Variants in MYO19 observed in about 807,000 individuals in gnomAD.
MYO19 encodes the protein myosin XIX, also known as unconventional myosin-XIX.
MYO19 carries 132 observed loss-of-function variants against 129.2 expected under a neutral mutation model. The ratio of observed to expected loss-of-function variants is 1.02; its 90% CI spans 0.89 to 1.18. The LOEUF (loss-of-function observed/expected upper bound fraction) is 1.18, where lower values mean the gene tolerates loss of function less well. MYO19 is among the 50% of genes most tolerant of loss of function. The pLI is 0.00. For missense variants in MYO19, 1,210 were observed against 1,216.7 expected, an observed-to-expected ratio of 0.99 and a Z score of 0.08; for synonymous variants, 531 against 477.2, an observed-to-expected ratio of 1.11 and a Z score of -1.47.
At chr17:36,538,617 TCAG>T (rs761430333), upstream of MYO19, 9 of 1,576,318 alleles carry the variant, frequency 5.7e-6, no homozygotes, top group East Asian at 4.5e-5. Flanking sequence ...ATTTTGGTGA[TCAG>T]CAGGAGTAGG....
chr17:36,514,947 T>C (rs988339923), intron 8 of MYO19, among the ~76,000 whole-genome samples, 166 bp downstream of exon 8: 27 of 152,152 alleles, frequency 1.8e-4, no homozygotes, highest in African/African-American at 6.5e-4. Flanking sequence ...GCTATAGTTC[T>C]CCAGGTGCAA....
chr17:36,501,036 C>T (rs756764357), intron 22 of MYO19, 33 bp downstream of exon 22: 6 of 1,602,842 alleles, frequency 3.7e-6, no homozygotes, highest in Non-Finnish European at 5.1e-6. Context: ...CACAGCTTGC[C>T]TCTGTAACCT....
At chr17:36,515,546 G>T (rs1037250841) in intron 7 of MYO19, among the ~76,000 whole-genome samples, 1 of 152,204 alleles carries the variant, frequency 6.6e-6, no homozygotes, top group Non-Finnish European at 1.5e-5. Flanking sequence ...CCCTTAACAA[G>T]TACCCTTCAT....
Position 36,506,558 on chromosome 17 carries a change from G to A in MYO19, c.1695C>T (p.Pro565=). ...TAGTAGGAAACAGCCCCATGAGCAG[G>A]GGGTCCTGGGATTGCTGCAGGAGCC... ...LTRLLQQSQD[P]LLMGLFPTNP... The change falls in exon 18 of 26, where the codon CCC becomes CCT. Residue 565 remains proline (P), a synonymous_variant. Transcript: ENST00000614623. 1 of 1,578,362 alleles carries A rather than the reference G, an allele frequency of 6.3e-7. No individual in the cohort carries two copies. Among genetic ancestry groups the A allele is most frequent in the Non-Finnish European group, 8.6e-7 (1 of 1,166,420 alleles).
Position 36,513,437 on chromosome 17 carries a change from T to C in MYO19, c.886A>G (p.Ile296Val). The change falls in exon 11 of 26, where the codon ATC (isoleucine) becomes GTC (valine). Residue 296 changes from isoleucine (I) to valine (V), a missense_variant. Transcript: ENST00000614623. ...GTGGCTTTTCTTCTGACCTTAAAGA[T>C]GTTGTTCTGGGTAGGGGTGTCAATG... ...LGIDTPTQNN[I>V]FKVLAGLLHL... The C allele has an allele frequency of 3.1e-6, 5 of 1,614,070 alleles. No homozygotes were observed. Among genetic ancestry groups the C allele is most frequent in the Non-Finnish European group, 3.4e-6 (4 of 1,179,896 alleles).
rs370042266 is a variant in MYO19 at position 36,509,083 on chromosome 17, C to T, written c.1210G>A (p.Asp404Asn). ...VINSSICADT[D>N]SWTTFIGLLD... is the part of the protein sequence containing the mutation. The stretch of plus-strand genomic sequence containing the variant: ...CTACCTATGAAAGTGGTCCACGAGT[C>T]GGTGTCTGCACAGATGCTGCTGTTG... The change falls in exon 14 of 26, where the codon GAC (aspartate) becomes AAC (asparagine). Residue 404 changes from aspartate (D) to asparagine (N), a missense_variant. Physicochemically the swap from Asp to Asn is conservative, Grantham distance 23. Coordinates refer to ENST00000614623, the MANE Select transcript of MYO19 (RefSeq NM_001163735.2). The T allele has an allele frequency of 1.6e-4, 258 of 1,613,778 alleles. No homozygotes were observed. The highest frequency in any genetic ancestry group is 2.0e-4 in the Non-Finnish European group (237 of 1,179,814).
chr17:36,532,953 G>C (rs1793559413), intron 2 of MYO19, among the ~76,000 whole-genome samples: 1 of 152,158 alleles, frequency 6.6e-6, no homozygotes, highest in Non-Finnish European at 1.5e-5. Context: ...TGGAGGAGGA[G>C]TAAGACACTG....
chr17:36,538,725 A>AT, upstream of MYO19: 5 of 952,204 alleles, frequency 5.3e-6, no homozygotes, highest in Non-Finnish European at 7.7e-6. Flanking sequence ...ATTATAAAAT[A>AT]GTTTCAGTCA....
At chr17:36,520,517 C>T (rs1015626624) in intron 6 of MYO19, among the ~76,000 whole-genome samples, 6 of 152,042 alleles carry the variant, frequency 3.9e-5, no homozygotes, top group Admixed American at 2.0e-4. Context: ...TCCACTTATA[C>T]GTGGGTTTTT....
At chr17:36,499,370 AC>A in intron 23 of MYO19, 1 of 404,704 alleles carries the variant, frequency 2.5e-6, no homozygotes, top group East Asian at 5.0e-5. Context: ...ACTTGAATAC[AC>A]CTACACAACA....
intron 6 of MYO19, among the ~76,000 whole-genome samples, chr17:36,519,803 G>A (rs1475737007): frequency 6.6e-6 from 1 of 152,048 alleles, no homozygotes; most frequent in Non-Finnish European, 1.5e-5. Context: ...TTGTCTTAAA[G>A]TCTTTATTTC....
In MYO19 at chr17:36,525,309, T is replaced by C. The variant is rs1163624018; in HGVS notation, c.333A>G (p.Glu111=). 7.4e-6 allele frequency: 12 copies of C among 1,613,842 alleles called. No homozygotes were observed. The South Asian group carries it at 8.8e-5, about 12-fold the overall frequency. ...GGCTCTTGACATTCCTGTAGGTCTG[T>C]TCACCCACAGTGAACACATGGGGCT... ...KLKPHVFTVG[E]QTYRNVKSLI... is the part of the protein sequence containing the mutation. Residue 111 remains glutamate, a synonymous_variant, in exon 6 of 26, where the codon GAA becomes GAG. Transcript: ENST00000614623.
upstream of MYO19, chr17:36,537,495 T>G (rs987868036): frequency 6.2e-7 from 1 of 1,614,200 alleles, no homozygotes; most frequent in Admixed American, 1.7e-5. Context: ...CATCTCCTGT[T>G]TCCGTGTAAT....
chr17:36,516,473 C>T (rs971293803), intron 6 of MYO19, among the ~76,000 whole-genome samples: 3 of 152,004 alleles, frequency 2.0e-5, no homozygotes, highest in Non-Finnish European at 4.4e-5. Context: ...TGAGTTCAAG[C>T]GATTCTCCTG....
intron 18 of MYO19, 98 bp from the exon 19 acceptor site, chr17:36,505,502 C>A: frequency 1.2e-6 from 1 of 810,632 alleles, no homozygotes; most frequent in Non-Finnish European, 2.0e-6. Context: ...CTCCAGCGGG[C>A]CCTTCCATGA....
chr17:36,538,192 T>A, upstream of MYO19: 1 of 1,613,596 alleles, frequency 6.2e-7, no homozygotes, highest in Non-Finnish European at 8.5e-7. Context: ...GTAGAAGCAG[T>A]ATCTCGAAGA....
Position 36,507,008 on chromosome 17 carries a change from C to G in MYO19, c.1599G>C (p.Ala533=), listed in dbSNP as rs765731740. 6.2e-7 allele frequency: 1 copy of G among 1,612,878 alleles called. No individual in the cohort carries two copies. Among genetic ancestry groups the G allele is most frequent in the East Asian group, 2.2e-5 (1 of 44,828 alleles). Reference sequence around the variant, plus strand: ...CTGCTGTGTGGTACCGCACAGGCCCCGCATAATGCACCACAATGAAGCTGG... The same window carrying G: ...CTGCTGTGTGGTACCGCACAGGCCCGGCATAATGCACCACAATGAAGCTGG... ...REPSFIVVHY[A]GPVRYHTAGL... is the part of the protein sequence containing the mutation. The change falls in exon 17 of 26, where the codon GCG becomes GCC. Residue 533 remains alanine, a synonymous_variant. Coordinates refer to ENST00000614623, the MANE Select transcript of MYO19 (RefSeq NM_001163735.2).
At position 36,505,414 on chromosome 17, in the gene MYO19, A is replaced by G. The variant is rs114168595; in HGVS notation, c.1798-10T>C. On this transcript the variant is annotated splice_polypyrimidine_tract_variant and intron_variant, in intron 18 of 25. Coordinates refer to ENST00000614623, the MANE Select transcript of MYO19 (RefSeq NM_001163735.2). ...GCTGCTCCAGTGAGGCCTGCAGATG[A>G]GAGACCATGGGGTTAGGCAGGGAGA... is the stretch of plus-strand genomic sequence containing the variant. 4.0e-4 allele frequency: 638 copies of G among 1,611,698 alleles called. 4 individuals carry two copies. The African/African-American group carries it at 7.1e-3, about 18-fold the overall frequency.
intron 19 of MYO19, 48 bp from the exon 20 acceptor site, chr17:36,504,068 A>T: frequency 1.4e-6 from 2 of 1,428,798 alleles, no homozygotes. Context: ...TGGGGCCAGC[A>T]GGCCAGAAAT....
Sources: gnomAD v4.1 joint callset for allele counts (sites outside exome capture counted in the v4.1 genomes callset) on GRCh38, gnomAD v4.1.1 for gene constraint, MANE v1.5 for transcripts, NCBI Gene and HGNC (gene_info 2026-07-23, HGNC 2026-07-21) for gene names.